NUBPL: variants seen among roughly 807,000 people sequenced by gnomAD.
NUBPL encodes the protein NUBP iron-sulfur cluster assembly factor, mitochondrial, also known as iron-sulfur cluster transfer protein NUBPL.
A neutral mutation model predicts 45.7 loss-of-function variants in NUBPL; 31 were observed. The ratio of observed to expected loss-of-function variants is 0.68; its 90% CI spans 0.51 to 0.92. The LOEUF is 0.92. Among genes scored for constraint, NUBPL ranks in the 40% least tolerant of loss-of-function variants. The pLI is 0.00. For synonymous variants in NUBPL, 144 were observed against 140.9 expected (o/e 1.02, Z -0.15); for missense variants, 401 against 398.7 (o/e 1.01, Z -0.05).
At position 31,566,557 on chromosome 14, in the gene NUBPL, A is replaced by G. The variant is rs143972284; in HGVS notation, c.291+1509A>G. 2.1e-3 allele frequency among the ~76,000 whole-genome samples: 326 copies of G among 151,970 alleles called. 3 individuals carry two copies. Among genetic ancestry groups the G allele is most frequent in the African/African-American group, 7.5e-3 (310 of 41,438 alleles). On this transcript the variant is annotated intron_variant, in intron 3 of 10. Transcript: ENST00000281081. ...TCTTTTTTTTGTTTTTCTGAAGGACACCCTTGAGTCCTTATATGGTTTGGT... is the reference window on the plus strand; with the variant it reads ...TCTTTTTTTTGTTTTTCTGAAGGACGCCCTTGAGTCCTTATATGGTTTGGT...
chr14:31,688,519 G>T (rs112357415), intron 6 of NUBPL, among the ~76,000 whole-genome samples: 5,441 of 150,364 alleles, frequency 0.036, 132 homozygotes, highest in African/African-American at 0.077. Context: ...CGAGGAGGTT[G>T]CAGTGAGCTG....
Position 31,821,110 on chromosome 14 carries a change from C to T in NUBPL, c.608-5519C>T, listed in dbSNP as rs374130740. Among the ~76,000 whole-genome samples, 286 of 150,584 alleles carry T rather than the reference C, an allele frequency of 1.9e-3. 1 individual carries two copies. Among genetic ancestry groups the T allele is most frequent in the African/African-American group, 6.5e-3 (269 of 41,290 alleles). ...TGCACTCCAGCCTGGGCAACAAGAG[C>T]GAAACTCCATCTCAAAAATAAATAA... On this transcript the variant is annotated intron_variant, in intron 7 of 10. Coordinates refer to ENST00000281081, the MANE Select transcript of NUBPL (RefSeq NM_025152.3).
intron 6 of NUBPL, among the ~76,000 whole-genome samples, chr14:31,730,395 TA>T (rs1351278318): frequency 6.6e-6 from 1 of 152,082 alleles, no homozygotes; most frequent in Non-Finnish European, 1.5e-5. Flanking sequence ...AGCAGTGAAT[TA>T]ATGCTAATTT....
chr14:31,725,884 A>G (rs969084730), intron 6 of NUBPL, among the ~76,000 whole-genome samples: 15 of 151,756 alleles, frequency 9.9e-5, no homozygotes, highest in African/African-American at 3.4e-4. Flanking sequence ...TAATTTTTGT[A>G]TTTTTAGTAG....
chr14:31,660,945 A>T (rs980474138), intron 4 of NUBPL, among the ~76,000 whole-genome samples: 30 of 152,328 alleles, frequency 2.0e-4, no homozygotes, highest in African/African-American at 7.0e-4. Flanking sequence ...GTCAACTTTA[A>T]TAGGAAGATG....
At chr14:31,602,825 CTCTGA>C (rs2034480747) in intron 4 of NUBPL, among the ~76,000 whole-genome samples, 1 of 152,016 alleles carries the variant, frequency 6.6e-6, no homozygotes, top group Non-Finnish European at 1.5e-5. Context: ...AAATTATTTT[CTCTGA>C]TCAGATTTCT....
At chr14:31,651,679 A>G (rs1173480606) in intron 4 of NUBPL, among the ~76,000 whole-genome samples, 9 of 152,160 alleles carry the variant, frequency 5.9e-5, no homozygotes, top group Admixed American at 5.9e-4. Flanking sequence ...CAGGTGGATC[A>G]CAAGGTCAGG....
rs766023248 is a variant in NUBPL, at chr14:31,561,456, G to A, written c.17G>A (p.Arg6His). Residue 6 changes from arginine (R) to histidine (H), a missense_variant, in exon 1 of 11, where the codon CGT becomes CAT. Transcript: ENST00000281081. MGIWQ[R>H]LLLFGGVSLR... ...TTCCGCGTCATGGGGATTTGGCAGCGTCTGCTGCTTTTTGGTGGGGTGTCG... is the reference window on the plus strand; with the variant it reads ...TTCCGCGTCATGGGGATTTGGCAGCATCTGCTGCTTTTTGGTGGGGTGTCG... The A allele has an allele frequency of 3.5e-6, 5 of 1,419,366 alleles. No homozygotes were observed. Among genetic ancestry groups the A allele is most frequent in the Non-Finnish European group, 4.6e-6 (5 of 1,076,970 alleles). The allele number at this position is 1,419,366 out of a possible 1,614,324, so 87.9% of individuals were successfully genotyped here.
At chr14:31,801,614 T>C (rs1351412791) in intron 7 of NUBPL, among the ~76,000 whole-genome samples, 1 of 152,222 alleles carries the variant, frequency 6.6e-6, no homozygotes, top group Non-Finnish European at 1.5e-5. Context: ...GATGCAAGCA[T>C]ATTTTGTGTA....
At chr14:31,699,828 G>T (rs2037292969) in intron 6 of NUBPL, among the ~76,000 whole-genome samples, 1 of 152,072 alleles carries the variant, frequency 6.6e-6, no homozygotes, top group South Asian at 2.1e-4. Context: ...GTAGTGTTTG[G>T]CAATGAGAAG....
Position 31,765,022 on chromosome 14 carries a change from A to G in NUBPL, c.514-22758A>G, listed in dbSNP as rs10147477. Among the ~76,000 whole-genome samples, 287 of 152,332 alleles carry G rather than the reference A, an allele frequency of 1.9e-3. 1 individual carries two copies. The highest frequency in any genetic ancestry group is 6.8e-3 in the African/African-American group (282 of 41,570). ...GCTCCTGCATTATTTAGTTCTCACT[A>G]GGACACCTACATATTACATTAAATT... On this transcript the variant is annotated intron_variant, in intron 6 of 10. Coordinates refer to ENST00000281081, the MANE Select transcript of NUBPL (RefSeq NM_025152.3).
At chr14:31,710,863 A>G (rs2037555510) in intron 6 of NUBPL, among the ~76,000 whole-genome samples, 1 of 152,214 alleles carries the variant, frequency 6.6e-6, no homozygotes. Context: ...AGTTCCCCCT[A>G]CAATGGGGCT....
chr14:31,775,479 G>C (rs2039082669), intron 6 of NUBPL, among the ~76,000 whole-genome samples: 1 of 152,098 alleles, frequency 6.6e-6, no homozygotes, highest in Non-Finnish European at 1.5e-5. Flanking sequence ...TCACATTAGA[G>C]GGTAATAATG....
intron 8 of NUBPL, among the ~76,000 whole-genome samples, chr14:31,838,279 C>CCAA (rs2040314417): frequency 1.7e-5 from 1 of 60,268 alleles, no homozygotes; most frequent in African/African-American, 5.1e-5. Context: ...TAATATCCAG[C>CCAA]AAAAAAAAAA....
chr14:31,607,347 C>T (rs962473240), intron 4 of NUBPL, among the ~76,000 whole-genome samples: 1 of 150,926 alleles, frequency 6.6e-6, no homozygotes, highest in Non-Finnish European at 1.5e-5. Flanking sequence ...CGTGCCACTG[C>T]ACTGCAGCCT....
At chr14:31,701,225 T>A (rs1260005756) in intron 6 of NUBPL, among the ~76,000 whole-genome samples, 1 of 151,782 alleles carries the variant, frequency 6.6e-6, no homozygotes, top group Non-Finnish European at 1.5e-5. Context: ...GGTTTGTAAA[T>A]GCACCAGTCA....
At chr14:31,840,571 A>G (rs7161280) in intron 8 of NUBPL, among the ~76,000 whole-genome samples, 61,334 of 146,352 alleles carry the variant, frequency 0.42, 13,425 homozygotes, top group South Asian at 0.54. Flanking sequence ...AAGACTCCAC[A>G]TCTCAAAAAA....
chr14:31,701,149 T>G (rs574736413), intron 6 of NUBPL, among the ~76,000 whole-genome samples: 1 of 130,486 alleles, frequency 7.7e-6, no homozygotes, highest in Non-Finnish European at 1.7e-5. Context: ...GGTGGGGACT[T>G]GGAGAACTTT....
At chr14:31,727,882 T>G (rs2037960912) in intron 6 of NUBPL, among the ~76,000 whole-genome samples, 1 of 152,238 alleles carries the variant, frequency 6.6e-6, no homozygotes, top group Non-Finnish European at 1.5e-5. Context: ...GGTCCTGATT[T>G]AAGTATAAGC....
Sources: gnomAD v4.1 joint callset for allele counts (sites outside exome capture counted in the v4.1 genomes callset) on GRCh38, gnomAD v4.1.1 for gene constraint, MANE v1.5 for transcripts, NCBI Gene and HGNC (gene_info 2026-07-23, HGNC 2026-07-21) for gene names.